MRPS9: variants seen among roughly 807,000 people sequenced by gnomAD.
MRPS9 encodes the protein mitochondrial ribosomal protein S9.
MRPS9 carries 45 observed loss-of-function variants against 59.9 expected under a neutral mutation model. That is an observed-to-expected ratio of 0.75 (90% confidence interval 0.59 to 0.96). The LOEUF (loss-of-function observed/expected upper bound fraction) is 0.96, where lower values mean the gene tolerates loss of function less well. Among genes scored for constraint, MRPS9 ranks in the 40% least tolerant of loss-of-function variants. The pLI is 0.00. For synonymous variants in MRPS9, 171 were observed against 166.8 expected (o/e 1.03, Z -0.19); for missense variants, 473 against 481.1 (o/e 0.98, Z 0.16).
chr2:105,062,678 T>A (rs1382111087), intron 2 of MRPS9, among the ~76,000 whole-genome samples: 1 of 152,216 alleles, frequency 6.6e-6, no homozygotes, highest in African/African-American at 2.4e-5. Flanking sequence ...ATTAGTACAG[T>A]GCTGAGTTGC....
intron 1 of MRPS9, among the ~76,000 whole-genome samples, chr2:105,038,845 T>C (rs1401565473): frequency 6.6e-6 from 1 of 152,166 alleles, no homozygotes; most frequent in Non-Finnish European, 1.5e-5. Context: ...GAAAAAGATT[T>C]GAGAGGGAAG....
intron 1 of MRPS9, among the ~76,000 whole-genome samples, chr2:105,038,894 G>C (rs1384510075): frequency 1.3e-5 from 2 of 152,152 alleles, no homozygotes; most frequent in Admixed American, 1.3e-4. Context: ...TAGGCATCTG[G>C]GATTTCCAGT....
intron 5 of MRPS9, among the ~76,000 whole-genome samples, chr2:105,086,940 T>C (rs373324939): frequency 6.6e-6 from 1 of 152,056 alleles, no homozygotes; most frequent in African/African-American, 2.4e-5. Flanking sequence ...TGGGGGGAGT[T>C]CTTTATTCAG....
intron 5 of MRPS9, among the ~76,000 whole-genome samples, chr2:105,084,355 T>C (rs1174773162): frequency 6.6e-6 from 1 of 151,324 alleles, no homozygotes; most frequent in Non-Finnish European, 1.5e-5. Context: ...GTACACAGGG[T>C]TCATTTGCCT....
At chr2:105,068,757 A>C (rs1242563510) in intron 2 of MRPS9, among the ~76,000 whole-genome samples, 2 of 152,096 alleles carry the variant, frequency 1.3e-5, no homozygotes, top group Admixed American at 6.5e-5. Flanking sequence ...TTCTAGGTAC[A>C]TTTCTTTTGT....
At chr2:105,086,821 A>G (rs1680455774) in intron 5 of MRPS9, among the ~76,000 whole-genome samples, 1 of 151,856 alleles carries the variant, frequency 6.6e-6, no homozygotes. Context: ...ATGGAGCCAC[A>G]GTCTGCCTGT....
chr2:105,054,277 C>A (rs1418075815), intron 2 of MRPS9, among the ~76,000 whole-genome samples: 1 of 152,210 alleles, frequency 6.6e-6, no homozygotes, highest in Non-Finnish European at 1.5e-5. Context: ...TAACTGGAAT[C>A]ATTCTCCAGT....
intron 2 of MRPS9, among the ~76,000 whole-genome samples, chr2:105,053,632 A>T (rs898644889): frequency 6.6e-6 from 1 of 152,216 alleles, no homozygotes; most frequent in Non-Finnish European, 1.5e-5. Context: ...AGCTTAGTGA[A>T]TACATTCACA....
chr2:105,046,740 G>A (rs968270970), intron 1 of MRPS9, among the ~76,000 whole-genome samples: 3 of 151,944 alleles, frequency 2.0e-5, no homozygotes, highest in African/African-American at 7.2e-5. Context: ...GTCTTTGTGG[G>A]TTCACCTGTA....
intron 7 of MRPS9, chr2:105,091,231 G>C: frequency 2.1e-6 from 1 of 467,960 alleles, no homozygotes; most frequent in Admixed American, 2.4e-5. Flanking sequence ...GTTTATGGCT[G>C]GTATCAAGAT....
Position 105,071,394 on chromosome 2 carries a change from A to G in MRPS9, c.378+19A>G, listed in dbSNP as rs761129643. ...AATGAAGGTAGTTATCTTAATTACT[A>G]TTTTAAAAATTTCACTTTTATATGT... On this transcript the variant is annotated intron_variant, in intron 3 of 10. Transcript: ENST00000258455. 14 of 1,597,948 alleles carry G rather than the reference A, an allele frequency of 8.8e-6. No individual in the cohort carries two copies. Among genetic ancestry groups the G allele is most frequent in the East Asian group, 4.5e-5 (2 of 44,456 alleles).
chr2:105,062,326 G>A (rs1049560622), intron 2 of MRPS9, among the ~76,000 whole-genome samples: 1 of 152,140 alleles, frequency 6.6e-6, no homozygotes, highest in South Asian at 2.1e-4. Context: ...AGTAGCAGAG[G>A]GCCTCTGTAG....
intron 2 of MRPS9, among the ~76,000 whole-genome samples, chr2:105,061,899 G>A (rs551438579): frequency 6.6e-6 from 1 of 152,216 alleles, no homozygotes; most frequent in South Asian, 2.1e-4. Context: ...GAAAGAAACT[G>A]CAAAAACAAG....
At chr2:105,039,506 T>G (rs999879054) in intron 1 of MRPS9, among the ~76,000 whole-genome samples, 1 of 152,216 alleles carries the variant, frequency 6.6e-6, no homozygotes, top group Non-Finnish European at 1.5e-5. Flanking sequence ...TATCTATTCT[T>G]CTATGTTTTT....
chr2:105,047,474 T>C (rs76893810), intron 1 of MRPS9, among the ~76,000 whole-genome samples: 2,080 of 152,070 alleles, frequency 0.014, 51 homozygotes, highest in African/African-American at 0.048. Flanking sequence ...TTAGGACTCT[T>C]GGAAGGGAAG....
chr2:105,050,209 G>A (rs1679685628), intron 2 of MRPS9, among the ~76,000 whole-genome samples: 1 of 151,560 alleles, frequency 6.6e-6, no homozygotes, highest in African/African-American at 2.4e-5. Flanking sequence ...GCACGATCTT[G>A]GCTCACAGCA....
At chr2:105,038,966 C>G (rs143357973) in intron 1 of MRPS9, among the ~76,000 whole-genome samples, 2 of 152,248 alleles carry the variant, frequency 1.3e-5, no homozygotes, top group East Asian at 3.9e-4. Flanking sequence ...TGCCCTGTTA[C>G]CTTGTAAATG....
rs200229354 is a variant in MRPS9 at position 105,071,330 on chromosome 2, T to C, written c.333T>C (p.Leu111=). 3.1e-5 allele frequency: 50 copies of C among 1,610,150 alleles called. No homozygotes were observed. Among genetic ancestry groups the C allele is most frequent in the Non-Finnish European group, 4.2e-5 (49 of 1,178,964 alleles). The change falls in exon 3 of 11, where the codon CTT becomes CTC. Residue 111 remains leucine (L), a synonymous_variant. Transcript: ENST00000258455. ...QEDIDRAIAY[L]FPSGLFEKRA... is the part of the protein sequence containing the mutation. ...ATTTTCAGAGAGCTATTGCTTACCT[T>C]TTCCCAAGTGGTTTGTTTGAGAAAC...
chr2:105,038,136 G>A lies in MRPS9; in HGVS notation c.44G>A (p.Arg15Gln), dbSNP rs1679422256. The A allele has an allele frequency of 6.2e-7, 1 of 1,613,838 alleles. No individual in the cohort carries two copies. The highest frequency in any genetic ancestry group is 8.5e-7 in the Non-Finnish European group (1 of 1,179,960). The change falls in exon 1 of 11, where the codon CGG becomes CAG. Residue 15 changes from arginine (R) to glutamine (Q), a missense_variant. Coordinates refer to ENST00000258455, the MANE Select transcript of MRPS9 (RefSeq NM_182640.3). ...TCCTACGGCGGAGCAGTTTCGTACC[G>A]GCTTCTTCTCTGGGGTAGGGGTAGC... ...CVSYGGAVSY[R>Q]LLLWGRGSLA...
Sources: gnomAD v4.1 joint callset for allele counts (sites outside exome capture counted in the v4.1 genomes callset) on GRCh38, gnomAD v4.1.1 for gene constraint, MANE v1.5 for transcripts, NCBI Gene and HGNC (gene_info 2026-07-23, HGNC 2026-07-21) for gene names.